The following SLC4A8 variants were observed in gnomAD, a reference collection of about 807,000 sequenced individuals.
SLC4A8 encodes solute carrier family 4 member 8.
In SLC4A8, 40 loss-of-function variants were observed where a neutral mutation model predicts 125.0. The observed-to-expected ratio is 0.32, with a 90% CI of 0.25 to 0.42. SLC4A8 has a LOEUF of 0.42. Ranked by LOEUF, SLC4A8 falls within the 10% of genes least tolerant of loss-of-function variation. The pLI is 1.00. For missense variants in SLC4A8, 863 were observed against 1,355.1 expected (o/e 0.64, Z 5.70); for synonymous variants, 456 against 476.0 (o/e 0.96, Z 0.55).
chr12:51,479,307 G>A (rs1950947974), intron 16 of SLC4A8, among the ~76,000 whole-genome samples: 1 of 152,120 alleles, frequency 6.6e-6, no homozygotes, highest in Non-Finnish European at 1.5e-5. Context: ...ACTCCACACA[G>A]GCGTCAAAAA....
At chr12:51,464,910 C>T (rs1464951737) in intron 11 of SLC4A8, among the ~76,000 whole-genome samples, 1 of 152,064 alleles carries the variant, frequency 6.6e-6, no homozygotes, top group African/African-American at 2.4e-5. Context: ...TGCAGAGAAG[C>T]ATGTTTTCTG....
intron 2 of SLC4A8, among the ~76,000 whole-genome samples, chr12:51,443,034 C>T (rs1183637340): frequency 1.3e-5 from 2 of 152,212 alleles, no homozygotes; most frequent in Non-Finnish European, 2.9e-5. Flanking sequence ...CTTCTGCCCA[C>T]ATGACATAAA....
intron 23 of SLC4A8, 38 bp from the exon 24 acceptor site, chr12:51,505,797 G>T: frequency 1.1e-6 from 1 of 917,136 alleles, no homozygotes. Flanking sequence ...TATTTTACTT[G>T]TATGTCTGAC....
chr12:51,453,398 G>A, intron 4 of SLC4A8, 141 bp from the exon 5 acceptor site: 2 of 776,934 alleles, frequency 2.6e-6, no homozygotes, highest in South Asian at 2.0e-5. Context: ...ACTTATCAAT[G>A]TACCCTGAAC....
chr12:51,451,277 T>C (rs1592205917), intron 3 of SLC4A8, among the ~76,000 whole-genome samples: 1 of 152,206 alleles, frequency 6.6e-6, no homozygotes, highest in East Asian at 1.9e-4. Flanking sequence ...AGAGACCGGG[T>C]TTCACTGTGT....
At chr12:51,501,412 G>T (rs1338281075) in intron 22 of SLC4A8, among the ~76,000 whole-genome samples, 1 of 152,106 alleles carries the variant, frequency 6.6e-6, no homozygotes, top group Non-Finnish European at 1.5e-5. Flanking sequence ...GCATTATTTG[G>T]TTTTTTGTTC....
chr12:51,500,516 T>TCA (rs1937810295), intron 22 of SLC4A8, among the ~76,000 whole-genome samples: 1 of 152,152 alleles, frequency 6.6e-6, no homozygotes, highest in Non-Finnish European at 1.5e-5. Flanking sequence ...CATGTTTCTA[T>TCA]TTGTATCATG....
intron 1 of SLC4A8, chr12:51,407,944 G>A (rs1948521063): frequency 6.6e-6 from 1 of 152,576 alleles, no homozygotes; most frequent in Non-Finnish European, 1.5e-5. Flanking sequence ...CCTGGTGGCT[G>A]GCTGGCAATT....
intron 1 of SLC4A8, among the ~76,000 whole-genome samples, chr12:51,404,665 T>G (rs1948454584): frequency 6.6e-6 from 1 of 152,216 alleles, no homozygotes; most frequent in South Asian, 2.1e-4. Flanking sequence ...AGAGTCAACT[T>G]GACCGTGAAG....
At chr12:51,442,579 G>GTAGT (rs1356941983) in intron 2 of SLC4A8, among the ~76,000 whole-genome samples, 1 of 152,208 alleles carries the variant, frequency 6.6e-6, no homozygotes, top group African/African-American at 2.4e-5. Context: ...TGCTAAAAAA[G>GTAGT]AATGCTGTCT....
At chr12:51,447,312 A>G (rs1486033374) in intron 2 of SLC4A8, among the ~76,000 whole-genome samples, 1 of 151,840 alleles carries the variant, frequency 6.6e-6, no homozygotes, top group Non-Finnish European at 1.5e-5. Flanking sequence ...AGCTGGTCTC[A>G]AACTCCTGGC....
rs192636051 is a variant in SLC4A8 at position 51,459,749 on chromosome 12, G to A, written c.856-202G>A. Among the ~76,000 whole-genome samples the A allele has an allele frequency of 3.1e-4, 47 of 152,218 alleles. No homozygotes were observed. In the East Asian group the frequency reaches 8.9e-3, roughly 29 times the overall value. ...TAGCTGGACATGGTGGTGCATGCCT[G>A]TAATTCCAGCTACTAGGGAGCCTGA... On this transcript the variant is annotated intron_variant, in intron 7 of 24. Transcript: ENST00000453097.
chr12:51,491,374 G>C (rs1295155311), intron 19 of SLC4A8, among the ~76,000 whole-genome samples: 1 of 152,134 alleles, frequency 6.6e-6, no homozygotes, highest in African/African-American at 2.4e-5. Context: ...TAGAAGAAGA[G>C]GTAGCAACAG....
At chr12:51,463,577 T>C in intron 10 of SLC4A8, 37 bp from the exon 11 acceptor site, 2 of 1,486,092 alleles carry the variant, frequency 1.3e-6, no homozygotes, top group Non-Finnish European at 1.9e-6. Context: ...AAAAGATAGA[T>C]GTTACCTTTA....
chr12:51,407,169 C>A (rs1047005884), intron 1 of SLC4A8, among the ~76,000 whole-genome samples: 1 of 152,176 alleles, frequency 6.6e-6, no homozygotes, highest in Admixed American at 6.5e-5. Flanking sequence ...ACCTGACTGA[C>A]GGGAGGAGCC....
In SLC4A8 at chr12:51,400,802, A is replaced by G. The variant is rs923567206; in HGVS notation, c.-112+9314A>G. 1.2e-3 allele frequency among the ~76,000 whole-genome samples: 103 copies of G among 84,614 alleles called. 2 individuals are homozygous for G. Among genetic ancestry groups the G allele is most frequent in the Non-Finnish European group, 1.6e-3 (73 of 46,532 alleles). The allele number at this position is 84,614 out of a possible 152,430, so 55.5% of individuals were successfully genotyped here. A position where few individuals can be genotyped will look rare whatever the true frequency, so the allele number is the denominator to read the frequency against. ...TACATACATACACACACACACACAC[A>G]TATATAAACATATATGTTTATATAC... On this transcript the variant is annotated intron_variant, in intron 1 of 24. Coordinates refer to the SLC4A8 transcript ENST00000358657.
chr12:51,489,837 A>G lies in SLC4A8; in HGVS notation c.2586A>G (p.Glu862=), dbSNP rs541698821. The G allele has an allele frequency of 1.2e-6, 2 of 1,614,200 alleles. No homozygotes were observed. Among genetic ancestry groups the G allele is most frequent in the African/African-American group, 1.3e-5 (1 of 75,054 alleles). The part of the protein sequence containing the change: ...THVNSLKLES[E]CSAPGEQPKF... Reference sequence around the variant, plus strand: ...TGAACAGCCTCAAGCTAGAATCTGAATGCTCTGCTCCTGGAGAACAGCCCA... The same window carrying G: ...TGAACAGCCTCAAGCTAGAATCTGAGTGCTCTGCTCCTGGAGAACAGCCCA... Residue 862 remains glutamate (E), a synonymous_variant, in exon 19 of 25, where the codon GAA becomes GAG. Transcript: ENST00000453097.
At chr12:51,503,311 G>A (rs1268802574) in intron 22 of SLC4A8, among the ~76,000 whole-genome samples, 1 of 149,522 alleles carries the variant, frequency 6.7e-6, no homozygotes, top group Non-Finnish European at 1.5e-5. Flanking sequence ...TGCAACCTCC[G>A]ACTCCCGGGT....
chr12:51,441,239 T>G (rs1949585241), intron 2 of SLC4A8: 1 of 977,988 alleles, frequency 1.0e-6, no homozygotes. Flanking sequence ...CTATTCTATT[T>G]ATACCCATTT....
Sources: allele counts gnomAD v4.1 joint callset (sites outside exome capture counted in the v4.1 genomes callset), GRCh38; gene constraint gnomAD v4.1.1; transcripts MANE v1.5; gene names NCBI Gene and HGNC (gene_info 2026-07-23, HGNC 2026-07-21).